Variants in ITGA11 observed in about 807,000 individuals in gnomAD.
The protein encoded by ITGA11 is integrin alpha-11.
In ITGA11, 97 loss-of-function variants were observed where a neutral mutation model predicts 141.9. That is an observed-to-expected ratio of 0.68 (90% CI 0.58 to 0.81). The LOEUF is 0.81. ITGA11 is among the 30% of genes least tolerant of loss of function. The pLI, the probability that ITGA11 is intolerant of heterozygous loss-of-function variation, is 0.00. For synonymous variants in ITGA11, 658 were observed against 624.6 expected, an observed-to-expected ratio of 1.05 and a Z score of -0.80; for missense variants, 1,387 against 1,559.2, an observed-to-expected ratio of 0.89 and a Z score of 1.86.
At chr15:68,340,074 C>G (rs1183351861) in intron 10 of ITGA11, among the ~76,000 whole-genome samples, 1 of 152,150 alleles carries the variant, frequency 6.6e-6, no homozygotes, top group Non-Finnish European at 1.5e-5. Context: ...TGAGTTGCTT[C>G]CCTGCACGTA....
In ITGA11 at chr15:68,321,987, G is replaced by A. The variant is rs1312367337; in HGVS notation, c.2323-484C>T. On this transcript the variant is annotated intron_variant, in intron 18 of 29. Transcript: ENST00000315757. The surrounding 1 kb of genome is among the most constrained non-coding windows in gnomAD (Gnocchi z 4.9). ...AAACAGCTGTTTTGGCCTGTAGGAA[G>A]TCAGGGAAGCCTTCGAGGAAGTGAC... 6.6e-6 allele frequency among the ~76,000 whole-genome samples: 1 copy of A among 152,256 alleles called. No homozygotes were observed. Among genetic ancestry groups the A allele is most frequent in the Non-Finnish European group, 1.5e-5 (1 of 68,050 alleles).
rs755170351 is a variant in ITGA11 at position 68,350,763 on chromosome 15, C to T, written c.914G>A (p.Arg305His). ...YAVAVLGYYN[R>H]RGINPETFLN... Reference sequence around the variant, plus strand: ...AAAAGTTTCTGGATTGATCCCCCTGCGGTTGTAGTAGCCCAGGACCTGCCA... The same window carrying T: ...AAAAGTTTCTGGATTGATCCCCCTGTGGTTGTAGTAGCCCAGGACCTGCCA... The change falls in exon 9 of 30, where the codon CGC (arginine) becomes CAC (histidine). Residue 305 changes from arginine (R) to histidine (H), a missense_variant. Coordinates refer to ENST00000315757, the MANE Select transcript of ITGA11 (RefSeq NM_001004439.2). The T allele has an allele frequency of 1.6e-5, 26 of 1,613,050 alleles. No individual in the cohort carries two copies. Among genetic ancestry groups the T allele is most frequent in the South Asian group, 3.3e-5 (3 of 90,904 alleles).
chr15:68,413,742 G>A (rs1373112176), intron 1 of ITGA11, among the ~76,000 whole-genome samples: 1 of 152,162 alleles, frequency 6.6e-6, no homozygotes, highest in Non-Finnish European at 1.5e-5. Context: ...TCCAGTTGTC[G>A]GCACTCGAGC....
intron 2 of ITGA11, among the ~76,000 whole-genome samples, chr15:68,381,423 C>G (rs753539179): frequency 6.6e-6 from 1 of 152,110 alleles, no homozygotes; most frequent in Non-Finnish European, 1.5e-5. Flanking sequence ...ATTCAAAGCA[C>G]TTTATATGAA....
intron 2 of ITGA11, among the ~76,000 whole-genome samples, chr15:68,382,945 C>G (rs184544316): frequency 4.4e-4 from 67 of 152,288 alleles, no homozygotes; most frequent in African/African-American, 1.4e-3. Flanking sequence ...AGAGAAGGCA[C>G]TGAAAAAGAA....
rs1892951431 is a variant in ITGA11, at chr15:68,298,356, G to A, written c.*4703C>T. On this transcript the variant is annotated 3_prime_UTR_variant, in exon 30 of 30. Transcript: ENST00000315757. ...CAATGGCAAGATACTCTTGCATGTTGGCGCTTATTGAACACCTACTGTATT... is the reference window on the plus strand; with the variant it reads ...CAATGGCAAGATACTCTTGCATGTTAGCGCTTATTGAACACCTACTGTATT... 6.6e-6 allele frequency: 1 copy of A among 152,094 alleles called. No homozygotes were observed. Among genetic ancestry groups the A allele is most frequent in the Non-Finnish European group, 1.5e-5 (1 of 68,036 alleles). 9.4% of individuals were successfully genotyped at this position (152,094 alleles called of 1,614,324 possible).
At chr15:68,430,307 G>A (rs913653370) in intron 1 of ITGA11, among the ~76,000 whole-genome samples, 2 of 152,186 alleles carry the variant, frequency 1.3e-5, no homozygotes, top group Non-Finnish European at 2.9e-5. Context: ...CCTGTGTTAA[G>A]GGCCTTTCTT....
intron 1 of ITGA11, among the ~76,000 whole-genome samples, chr15:68,421,776 A>G (rs369866025): frequency 2.0e-5 from 3 of 152,200 alleles, no homozygotes; most frequent in East Asian, 1.9e-4. Flanking sequence ...AAAAGAGAGG[A>G]CATTATGTAG....
At chr15:68,413,669 T>C (rs1896827072) in intron 1 of ITGA11, among the ~76,000 whole-genome samples, 1 of 152,164 alleles carries the variant, frequency 6.6e-6, no homozygotes, top group South Asian at 2.1e-4. Flanking sequence ...TCCTGCTTTG[T>C]AACATCGAAG....
At chr15:68,362,927 ATGATGGATGAATGG>A (rs1433060723) in intron 4 of ITGA11, among the ~76,000 whole-genome samples, 1 of 11,050 alleles carries the variant, frequency 9.0e-5, no homozygotes, top group African/African-American at 1.9e-4. Flanking sequence ...GGGTGGATGG[ATGATGGATGAATGG>A]ATGATGGATG....
rs1894256996 is a variant in ITGA11 at position 68,333,797 on chromosome 15, C to A, written c.1426-1319G>T. On this transcript the variant is annotated intron_variant, in intron 12 of 29. Coordinates refer to ENST00000315757, the MANE Select transcript of ITGA11 (RefSeq NM_001004439.2). This position sits in a 1 kb window ranked among gnomAD's most constrained non-coding sequence, Gnocchi z 4.2. ...AACTCTCTAGCAGGACCGTGCTGGA[C>A]CAGCCTCCCTCCCCAGCCTCTGTCC... Among the ~76,000 whole-genome samples the A allele has an allele frequency of 6.6e-6, 1 of 152,188 alleles. No individual in the cohort carries two copies. Among genetic ancestry groups the A allele is most frequent in the African/African-American group, 2.4e-5 (1 of 41,448 alleles).
At chr15:68,375,431 A>G (rs1895703282) in intron 2 of ITGA11, among the ~76,000 whole-genome samples, 1 of 152,234 alleles carries the variant, frequency 6.6e-6, no homozygotes. Context: ...AATGGGTTCA[A>G]GATGGGTCTG....
intron 24 of ITGA11, 42 bp downstream of exon 24, chr15:68,312,731 A>G: frequency 6.8e-7 from 1 of 1,465,170 alleles, no homozygotes; most frequent in Non-Finnish European, 9.5e-7. Context: ...GGGTGCTCAG[A>G]TCCCGTCCTT....
chr15:68,385,707 GGTGGAAATGCT>G (rs1005923255), intron 2 of ITGA11, among the ~76,000 whole-genome samples: 7 of 152,168 alleles, frequency 4.6e-5, no homozygotes, highest in Non-Finnish European at 5.9e-5. Flanking sequence ...TGTTATTCCC[GGTGGAAATGCT>G]GCAGAAATGG....
chr15:68,349,003 A>G, intron 9 of ITGA11, 103 bp from the exon 10 acceptor site: 2 of 992,460 alleles, frequency 2.0e-6, no homozygotes, highest in South Asian at 2.9e-5. Context: ...GGGCATCGTC[A>G]GGAGGTGGGG....
intron 1 of ITGA11, among the ~76,000 whole-genome samples, chr15:68,406,115 A>C (rs1342035272): frequency 6.6e-6 from 1 of 152,086 alleles, no homozygotes; most frequent in Non-Finnish European, 1.5e-5. Context: ...AGGGCCAGTG[A>C]AGGTGAAGCC....
At chr15:68,351,185 T>A in intron 8 of ITGA11, 73 bp downstream of exon 8, 1 of 1,534,516 alleles carries the variant, frequency 6.5e-7, no homozygotes. Flanking sequence ...AACTAGTCCC[T>A]TGGAGTCCCC....
At chr15:68,410,803 G>A (rs1046055929) in intron 1 of ITGA11, among the ~76,000 whole-genome samples, 1 of 152,208 alleles carries the variant, frequency 6.6e-6, no homozygotes, top group Non-Finnish European at 1.5e-5. Flanking sequence ...AGCAAGGGAG[G>A]GGTGAGGGGA....
rs1894322479 is a variant in ITGA11 at position 68,335,601 on chromosome 15, C to G, written c.1425+96G>C. The stretch of plus-strand genomic sequence containing the variant: ...AGGAACATGACTGCCCTTTGGGGCA[C>G]CCAGTGGTCCAGGCATGCCTGTATT... On this transcript the variant is annotated intron_variant, in intron 12 of 29. Transcript: ENST00000315757. This position sits in a 1 kb window ranked among gnomAD's most constrained non-coding sequence, Gnocchi z 4.9. 5 of 1,403,590 alleles carry G rather than the reference C, an allele frequency of 3.6e-6. No homozygotes were observed. The African/African-American group carries it at 5.7e-5, about 16-fold the overall frequency. The allele number at this position is 1,403,590 out of a possible 1,614,324, so 86.9% of individuals were successfully genotyped here.
Sources: allele counts gnomAD v4.1 joint callset (sites outside exome capture counted in the v4.1 genomes callset), GRCh38; gene constraint gnomAD v4.1.1; non-coding constraint Gnocchi (gnomAD v3.1); transcripts MANE v1.5; gene names NCBI Gene and HGNC (gene_info 2026-07-23, HGNC 2026-07-21).